SLC24A3: variants seen among roughly 807,000 people sequenced by gnomAD.
SLC24A3 encodes the protein sodium/potassium/calcium exchanger 3.
A neutral mutation model predicts 75.8 loss-of-function variants in SLC24A3; 28 were observed. The observed-to-expected ratio is 0.37, with a 90% CI of 0.27 to 0.51. The LOEUF (loss-of-function observed/expected upper bound fraction) is 0.51. SLC24A3 is among the 20% of genes least tolerant of loss of function. The probability of loss-of-function intolerance (pLI) is 0.94; values close to 1 mark genes in which losing one functional copy is unlikely to be tolerated. For missense variants in SLC24A3, 663 were observed against 847.8 expected, an observed-to-expected ratio of 0.78 and a Z score of 2.71; for synonymous variants, 372 against 334.1, an observed-to-expected ratio of 1.11 and a Z score of -1.24.
intron 2 of SLC24A3, among the ~76,000 whole-genome samples, chr20:19,444,190 G>T (rs892878600): frequency 2.6e-5 from 4 of 152,094 alleles, no homozygotes; most frequent in Non-Finnish European, 5.9e-5. Context: ...ATATCACCTG[G>T]TCATGGCGTA....
chr20:19,539,748 C>T (rs1401695089), intron 3 of SLC24A3, among the ~76,000 whole-genome samples: 2 of 152,084 alleles, frequency 1.3e-5, no homozygotes, highest in Admixed American at 6.5e-5. Context: ...GAAATGAAGA[C>T]CCAAAGACCC....
At chr20:19,220,552 A>AC (rs1440160772) in intron 1 of SLC24A3, among the ~76,000 whole-genome samples, 1 of 152,212 alleles carries the variant, frequency 6.6e-6, no homozygotes, top group African/African-American at 2.4e-5. Context: ...ACAGAACATG[A>AC]AACATTTATT....
At chr20:19,229,519 A>G (rs1981957492) in intron 1 of SLC24A3, among the ~76,000 whole-genome samples, 1 of 152,156 alleles carries the variant, frequency 6.6e-6, no homozygotes, top group Admixed American at 6.5e-5. Context: ...CATTATTGGT[A>G]CTTTTCAAAT....
At chr20:19,632,765 C>G (rs1016999894) in intron 6 of SLC24A3, among the ~76,000 whole-genome samples, 1 of 152,136 alleles carries the variant, frequency 6.6e-6, no homozygotes, top group Non-Finnish European at 1.5e-5. Flanking sequence ...AATAGGTGTC[C>G]CTGACAACAG....
chr20:19,539,759 AG>A (rs2122585811), intron 3 of SLC24A3, among the ~76,000 whole-genome samples: 1 of 152,340 alleles, frequency 6.6e-6, no homozygotes, highest in South Asian at 2.1e-4. Context: ...CCAAAGACCC[AG>A]GGAAAATTAT....
chr20:19,290,444 C>T (rs961836772), intron 2 of SLC24A3, among the ~76,000 whole-genome samples: 8 of 152,118 alleles, frequency 5.3e-5, no homozygotes, highest in African/African-American at 1.9e-4. Context: ...GATCAGTCCC[C>T]TCAGGAATAG....
intron 8 of SLC24A3, among the ~76,000 whole-genome samples, chr20:19,666,143 T>C (rs370461253): frequency 4.4e-4 from 67 of 152,296 alleles, no homozygotes; most frequent in African/African-American, 1.4e-3. Context: ...TTTATTATCC[T>C]ATGTCTGGAC....
At chr20:19,256,835 T>C (rs933055911) in intron 1 of SLC24A3, among the ~76,000 whole-genome samples, 1 of 148,538 alleles carries the variant, frequency 6.7e-6, no homozygotes, top group Admixed American at 6.7e-5. Flanking sequence ...GCTGATAAAA[T>C]AGTTTTTATA....
At chr20:19,498,531 A>T (rs542614594) in intron 2 of SLC24A3, among the ~76,000 whole-genome samples, 1 of 151,146 alleles carries the variant, frequency 6.6e-6, no homozygotes, top group Non-Finnish European at 1.5e-5. Context: ...GATTTGCCCT[A>T]TGCAGCCTCA....
chr20:19,348,648 G>A (rs1985491440), intron 2 of SLC24A3, among the ~76,000 whole-genome samples: 1 of 151,980 alleles, frequency 6.6e-6, no homozygotes, highest in Non-Finnish European at 1.5e-5. Flanking sequence ...TGTATCTCTG[G>A]CCTCTCAAAT....
chr20:19,384,093 T>G (rs115120156), intron 2 of SLC24A3, among the ~76,000 whole-genome samples: 1,830 of 152,324 alleles, frequency 0.012, 37 homozygotes, highest in African/African-American at 0.039. Flanking sequence ...ATATGATGTA[T>G]TCACTTTCAT....
Position 19,496,074 on chromosome 20 carries a change from G to A in SLC24A3, c.272-19414G>A, listed in dbSNP as rs141462106. On this transcript the variant is annotated intron_variant, in intron 2 of 16. Transcript: ENST00000328041. Reference sequence around the variant, plus strand: ...CTCCCTGCCGCCTCTCAGTGCAGACGAGTCAGACATGCCTCTGGGACACCC... The same window carrying A: ...CTCCCTGCCGCCTCTCAGTGCAGACAAGTCAGACATGCCTCTGGGACACCC... Among the ~76,000 whole-genome samples, 263 of 152,342 alleles carry A rather than the reference G, an allele frequency of 1.7e-3. 1 individual carries two copies. The highest frequency in any genetic ancestry group is 5.9e-3 in the African/African-American group (244 of 41,586).
In SLC24A3 at chr20:19,294,088, C is replaced by T. The variant is rs115290208; in HGVS notation, c.271+13001C>T. The stretch of plus-strand genomic sequence containing the variant: ...CAATGCCTATACATCACTTCATTTA[C>T]GTGGATTCAATGTAGTACTTGAGAC... On this transcript the variant is annotated intron_variant, in intron 2 of 16. Coordinates refer to ENST00000328041, the MANE Select transcript of SLC24A3 (RefSeq NM_020689.4). 2.9e-3 allele frequency among the ~76,000 whole-genome samples: 445 copies of T among 152,276 alleles called. 3 individuals are homozygous for T. Among genetic ancestry groups the T allele is most frequent in the African/African-American group, 9.6e-3 (397 of 41,556 alleles).
At chr20:19,593,692 G>A (rs1449008824) in intron 6 of SLC24A3, among the ~76,000 whole-genome samples, 1 of 152,164 alleles carries the variant, frequency 6.6e-6, no homozygotes, top group Non-Finnish European at 1.5e-5. Flanking sequence ...CTTCCTCAAG[G>A]CTGGCTCCCA....
At chr20:19,592,793 CTTTCT>C (rs1448940143) in intron 6 of SLC24A3, among the ~76,000 whole-genome samples, 1 of 119,688 alleles carries the variant, frequency 8.4e-6, no homozygotes, top group African/African-American at 3.0e-5. Flanking sequence ...TTCTTTCTTT[CTTTCT>C]TTTTTTTTTT....
intron 2 of SLC24A3, among the ~76,000 whole-genome samples, chr20:19,330,522 A>G (rs2122291831): frequency 6.6e-6 from 1 of 152,308 alleles, no homozygotes; most frequent in Non-Finnish European, 1.5e-5. Context: ...GATAAAATAT[A>G]AATCTTGGGA....
At chr20:19,536,204 C>G (rs1034973226) in intron 3 of SLC24A3, among the ~76,000 whole-genome samples, 4 of 152,168 alleles carry the variant, frequency 2.6e-5, no homozygotes, top group Non-Finnish European at 5.9e-5. Flanking sequence ...AAATTTCTCT[C>G]TCTCAATAAA....
At chr20:19,368,284 C>T (rs544538972) in intron 2 of SLC24A3, among the ~76,000 whole-genome samples, 36 of 152,142 alleles carry the variant, frequency 2.4e-4, no homozygotes, top group African/African-American at 7.2e-4. Context: ...CACTTTAAGA[C>T]GGGCAAAGTA....
chr20:19,422,378 A>G (rs975258342), intron 2 of SLC24A3, among the ~76,000 whole-genome samples: 1 of 152,036 alleles, frequency 6.6e-6, no homozygotes, highest in African/African-American at 2.4e-5. Flanking sequence ...TGACACAGGT[A>G]TTGTGTGTTG....
Sources: allele counts gnomAD v4.1 joint callset (sites outside exome capture counted in the v4.1 genomes callset), GRCh38; gene constraint gnomAD v4.1.1; transcripts MANE v1.5; gene names NCBI Gene and HGNC (gene_info 2026-07-23, HGNC 2026-07-21).